Variants in GPC5 observed in about 807,000 individuals in gnomAD.
GPC5 encodes glypican 5, also known as glypican-5.
Under a neutral mutation model 53.9 loss-of-function variants are expected in GPC5, and 47 were observed. The ratio of observed to expected loss-of-function variants is 0.87; its 90% CI spans 0.69 to 1.11. The LOEUF (loss-of-function observed/expected upper bound fraction) is 1.11. GPC5 is among the 50% of genes most tolerant of loss of function. GPC5 has a pLI of 0.00. For synonymous variants in GPC5, 286 were observed against 263.3 expected, an observed-to-expected ratio of 1.09 and a Z score of -0.84; for missense variants, 748 against 713.1, an observed-to-expected ratio of 1.05 and a Z score of -0.56.
At position 92,329,080 on chromosome 13, in the gene GPC5, G is replaced by A. The variant is rs554643399; in HGVS notation, c.1561+184091G>A. Among the ~76,000 whole-genome samples the A allele has an allele frequency of 5.9e-5, 9 of 152,222 alleles. 1 individual carries two copies. In the South Asian group the frequency reaches 1.9e-3, roughly 32 times the overall value. On this transcript the variant is annotated intron_variant, in intron 7 of 7. Coordinates refer to ENST00000377067, the MANE Select transcript of GPC5 (RefSeq NM_004466.6). ...GAGGGAAGGGACTCAGAATTTAAGT[G>A]AGTACAGTATTCTAGAGGAGTCAAG...
At chr13:91,978,684 AG>A (rs1223432250) in intron 6 of GPC5, among the ~76,000 whole-genome samples, 6 of 152,338 alleles carry the variant, frequency 3.9e-5, no homozygotes, top group African/African-American at 1.2e-4. Context: ...GACCATGGAA[AG>A]GAGTGAGTCT....
At chr13:92,865,602 C>T (rs1014373044) in intron 7 of GPC5, among the ~76,000 whole-genome samples, 1 of 152,052 alleles carries the variant, frequency 6.6e-6, no homozygotes, top group African/African-American at 2.4e-5. Flanking sequence ...AACTATCATT[C>T]ATAATGTACT....
intron 7 of GPC5, among the ~76,000 whole-genome samples, chr13:92,574,338 C>T (rs1366851933): frequency 1.3e-5 from 2 of 152,132 alleles, no homozygotes; most frequent in Non-Finnish European, 2.9e-5. Flanking sequence ...AACCCTATTT[C>T]TTGGACAGGG....
At chr13:92,816,060 A>C (rs1877462082) in intron 7 of GPC5, among the ~76,000 whole-genome samples, 2 of 151,984 alleles carry the variant, frequency 1.3e-5, no homozygotes, top group Non-Finnish European at 2.9e-5. Flanking sequence ...AGGGTATTTA[A>C]AGCCACAGGA....
intron 6 of GPC5, among the ~76,000 whole-genome samples, chr13:91,955,501 CAAGG>C (rs982805965): frequency 6.6e-6 from 1 of 152,228 alleles, no homozygotes; most frequent in African/African-American, 2.4e-5. Context: ...ACACCCAAAT[CAAGG>C]AAGAAGAGGG....
At chr13:91,531,994 A>G (rs1886368526) in intron 2 of GPC5, among the ~76,000 whole-genome samples, 1 of 152,204 alleles carries the variant, frequency 6.6e-6, no homozygotes, top group African/African-American at 2.4e-5. Context: ...GGATCCAGCT[A>G]ACTGAAGTTT....
At chr13:92,171,351 T>C (rs1166997986) in intron 7 of GPC5, among the ~76,000 whole-genome samples, 1 of 152,114 alleles carries the variant, frequency 6.6e-6, no homozygotes, top group East Asian at 1.9e-4. Flanking sequence ...TCTTCTCTTT[T>C]TGAAAAGTCA....
intron 2 of GPC5, among the ~76,000 whole-genome samples, chr13:91,671,842 A>G (rs2035256281): frequency 1.3e-5 from 2 of 151,186 alleles, no homozygotes; most frequent in Non-Finnish European, 2.9e-5. Flanking sequence ...ACTTCAAACT[A>G]TAGTGCAAGG....
intron 5 of GPC5, among the ~76,000 whole-genome samples, chr13:91,773,589 G>A (rs2037662214): frequency 6.6e-6 from 1 of 152,094 alleles, no homozygotes; most frequent in Non-Finnish European, 1.5e-5. Context: ...AGATATTTTG[G>A]TTAAAGATTT....
At chr13:92,464,967 G>A (rs1375228928) in intron 7 of GPC5, among the ~76,000 whole-genome samples, 10 of 151,510 alleles carry the variant, frequency 6.6e-5, no homozygotes, top group Admixed American at 6.6e-4. Flanking sequence ...TAAACATAAT[G>A]AAAGAAGAAG....
intron 7 of GPC5, among the ~76,000 whole-genome samples, chr13:92,474,342 G>A (rs534343892): frequency 5.9e-5 from 9 of 152,052 alleles, no homozygotes; most frequent in East Asian, 3.9e-4. Flanking sequence ...TAACCTCTAT[G>A]TATATTTAGT....
intron 5 of GPC5, among the ~76,000 whole-genome samples, chr13:91,892,463 T>C (rs1035737930): frequency 6.6e-6 from 1 of 151,694 alleles, no homozygotes; most frequent in African/African-American, 2.4e-5. Flanking sequence ...TTTTATGCTT[T>C]TCTTACATTT....
intron 1 of GPC5, among the ~76,000 whole-genome samples, chr13:91,401,417 A>G (rs1162666654): frequency 6.6e-6 from 1 of 152,222 alleles, no homozygotes. Context: ...TGAATATGGT[A>G]ATTGACTATC....
At chr13:92,700,903 A>G (rs1430934013) in intron 7 of GPC5, among the ~76,000 whole-genome samples, 1 of 152,058 alleles carries the variant, frequency 6.6e-6, no homozygotes, top group Non-Finnish European at 1.5e-5. Flanking sequence ...CATCTAGTCT[A>G]CATCTTCTTC....
At chr13:92,057,272 T>G (rs1175741385) in intron 6 of GPC5, among the ~76,000 whole-genome samples, 1 of 150,960 alleles carries the variant, frequency 6.6e-6, no homozygotes, top group East Asian at 2.0e-4. Flanking sequence ...CCATATGAAG[T>G]GACAGAAATG....
At chr13:92,655,799 T>C (rs1886114268) in intron 7 of GPC5, among the ~76,000 whole-genome samples, 1 of 152,142 alleles carries the variant, frequency 6.6e-6, no homozygotes, top group Admixed American at 6.5e-5. Flanking sequence ...CAAGTAACTC[T>C]CATAGTAGCC....
At chr13:92,337,594 G>A (rs1049213797) in intron 7 of GPC5, among the ~76,000 whole-genome samples, 5 of 152,086 alleles carry the variant, frequency 3.3e-5, no homozygotes, top group African/African-American at 9.7e-5. Context: ...TGGTACTGAC[G>A]AAAGAATGAT....
chr13:91,760,297 C>G (rs1433714140), intron 5 of GPC5, among the ~76,000 whole-genome samples: 5 of 152,098 alleles, frequency 3.3e-5, no homozygotes, highest in Non-Finnish European at 7.4e-5. Context: ...GTCCTGATCA[C>G]TGTTACAATC....
Position 92,588,296 on chromosome 13 carries a change from G to A in GPC5, c.1562-277986G>A, listed in dbSNP as rs1376256331. The stretch of plus-strand genomic sequence containing the variant: ...CTGCATAGTATTCCATGGTGTAAAT[G>A]TACCACATTTCCTTTATCCAGTCTA... On this transcript the variant is annotated intron_variant, in intron 7 of 7. Coordinates refer to ENST00000377067, the MANE Select transcript of GPC5 (RefSeq NM_004466.6). Among the ~76,000 whole-genome samples, 3 of 152,128 alleles carry A rather than the reference G, an allele frequency of 2.0e-5. No homozygotes were observed. In the East Asian group the frequency reaches 5.8e-4, roughly 29 times the overall value.
Sources: allele counts gnomAD v4.1 joint callset (sites outside exome capture counted in the v4.1 genomes callset), GRCh38; gene constraint gnomAD v4.1.1; transcripts MANE v1.5; gene names NCBI Gene and HGNC (gene_info 2026-07-23, HGNC 2026-07-21).